The following TRAFD1 variants were observed in gnomAD, a reference collection of about 807,000 sequenced individuals.
TRAFD1 encodes the protein TRAF-type zinc finger domain-containing protein 1.
Under a neutral mutation model 65.3 loss-of-function variants are expected in TRAFD1, and 38 were observed. The ratio of observed to expected loss-of-function variants is 0.58; its 90% CI spans 0.45 to 0.76. The LOEUF is 0.76. Ranked by LOEUF, TRAFD1 falls within the 30% of genes least tolerant of loss-of-function variation. The pLI, the probability that TRAFD1 is intolerant of heterozygous loss-of-function variation, is 0.00. For missense variants in TRAFD1, 631 were observed against 712.6 expected, an observed-to-expected ratio of 0.89 and a Z score of 1.30; for synonymous variants, 223 against 257.2, an observed-to-expected ratio of 0.87 and a Z score of 1.27.
rs1364788959 is a variant in TRAFD1 at position 112,134,998 on chromosome 12, C to T, written c.184-15C>T. 1.2e-6 allele frequency: 2 copies of T among 1,614,184 alleles called. No individual in the cohort carries two copies. The highest frequency in any genetic ancestry group is 1.1e-5 in the South Asian group (1 of 91,046). ...GTCCCAAAGCCAATTTACTGATTCT[C>T]ACTTCTTACTCTAGGTGACCTGCAA... is the stretch of plus-strand genomic sequence containing the variant. On this transcript the variant is annotated splice_polypyrimidine_tract_variant and intron_variant, in intron 3 of 11. Coordinates refer to ENST00000412615, the MANE Select transcript of TRAFD1 (RefSeq NM_006700.3).
At position 112,142,187 on chromosome 12, in the gene TRAFD1, C is replaced by T. The variant is rs768408627; in HGVS notation, c.742C>T (p.Leu248=). 1.2e-6 allele frequency: 2 copies of T among 1,613,932 alleles called. No individual in the cohort carries two copies. The highest frequency in any genetic ancestry group is 1.7e-6 in the Non-Finnish European group (2 of 1,179,994). The stretch of plus-strand genomic sequence containing the variant: ...CTTGGACTTCATGTTGGCCCTAAGT[C>T]TGCAAAATGAAGGCCAAGCCTCCAG... ...ANLDFMLALS[L]QNEGQASSVA... is the part of the protein sequence containing the mutation. The change falls in exon 6 of 12, where the codon CTG becomes TTG. Residue 248 remains leucine (L), a synonymous_variant. Coordinates refer to ENST00000412615, the MANE Select transcript of TRAFD1 (RefSeq NM_006700.3).
rs1162541862 is a variant in TRAFD1, at chr12:112,140,871, T to C, written c.290T>C (p.Leu97Pro). 1 of 1,614,194 alleles carries C rather than the reference T, an allele frequency of 6.2e-7. No individual in the cohort carries two copies. Among genetic ancestry groups the C allele is most frequent in the Non-Finnish European group, 8.5e-7 (1 of 1,180,040 alleles). The part of the protein sequence containing the change: ...LAVCQHCDLE[L>P]SILKLKEHED... The stretch of plus-strand genomic sequence containing the variant: ...GTCTGCCAGCACTGTGATTTAGAAC[T>C]TTCCATTCTCAAACTGAAGGAACAT... Residue 97 changes from leucine (L) to proline (P), a missense_variant, in exon 5 of 12, where the codon CTT becomes CCT. Leu to Pro is a moderately conservative substitution (Grantham distance 98). Transcript: ENST00000412615.
At position 112,152,266 on chromosome 12, in the gene TRAFD1, A is replaced by G; in HGVS notation, c.1619+126A>G. The G allele has an allele frequency of 7.1e-7, 1 of 1,411,802 alleles. No individual in the cohort carries two copies. The highest frequency in any genetic ancestry group is 2.0e-5 in the Admixed American group (1 of 51,088). 87.5% of individuals were successfully genotyped at this position (1,411,802 alleles called of 1,614,324 possible). A position where few individuals can be genotyped will look rare whatever the true frequency, so the allele number is the denominator to read the frequency against. On this transcript the variant is annotated intron_variant, in intron 10 of 11. Transcript: ENST00000412615. The surrounding 1 kb of genome is among the most constrained non-coding windows in gnomAD (Gnocchi z 5.0). ...TTGCATGGTAAGGGGAGGAGTATGG[A>G]TTTTCCCTGTATTGTCACCTGACTC...
At chr12:112,143,545 G>C (rs1437176601) in intron 6 of TRAFD1, among the ~76,000 whole-genome samples, 1 of 151,610 alleles carries the variant, frequency 6.6e-6, no homozygotes, top group South Asian at 2.1e-4. Flanking sequence ...ATTTCTTATC[G>C]GTCTTCTAGT....
At chr12:112,138,307 T>G (rs7307299) in intron 4 of TRAFD1, among the ~76,000 whole-genome samples, 6,355 of 151,674 alleles carry the variant, frequency 0.042, 303 homozygotes, top group African/African-American at 0.11. Context: ...CCCAGCACTT[T>G]TGGAGGCAGA....
intron 6 of TRAFD1, among the ~76,000 whole-genome samples, chr12:112,144,786 G>GGTGGGAGGATCTCTTGAGC: frequency 6.6e-6 from 1 of 152,172 alleles, no homozygotes; most frequent in Admixed American, 6.5e-5. Flanking sequence ...GGTAGGCTGA[G>GGTGGGAGGATCTCTTGAGC]GTGGGAGGAT....
rs1455412820 is a variant in TRAFD1, at chr12:112,152,145, G to C, written c.1619+5G>C. 1 of 1,606,200 alleles carries C rather than the reference G, an allele frequency of 6.2e-7. No individual in the cohort carries two copies. The highest frequency in any genetic ancestry group is 2.2e-5 in the East Asian group (1 of 44,744). ...TTCAGGGAGATACGGAGCTAGGTAA[G>C]AATCAGTAGCCCAGGAATGGGGCTT... On this transcript the variant is annotated splice_donor_5th_base_variant and intron_variant, in intron 10 of 11. Transcript: ENST00000412615. This position sits in a 1 kb window ranked among gnomAD's most constrained non-coding sequence, Gnocchi z 5.0.
intron 2 of TRAFD1, 144 bp from the exon 3 acceptor site, chr12:112,134,594 T>G: frequency 4.6e-5 from 44 of 961,250 alleles, no homozygotes; most frequent in Non-Finnish European, 6.6e-5. Flanking sequence ...GTAATAGTCA[T>G]GAGTTTGTAG....
chr12:112,149,101 C>T (rs1403215163), intron 8 of TRAFD1, among the ~76,000 whole-genome samples: 1 of 151,876 alleles, frequency 6.6e-6, no homozygotes, highest in Non-Finnish European at 1.5e-5. Context: ...ACCTGTAATC[C>T]CAGCTACTCG....
chr12:112,145,285 C>T (rs1472195355), intron 6 of TRAFD1, among the ~76,000 whole-genome samples: 2 of 152,212 alleles, frequency 1.3e-5, no homozygotes, highest in African/African-American at 4.8e-5. Context: ...AAGATTATTG[C>T]CTATGGTTAT....
chr12:112,147,597 A>G (rs926789289), intron 7 of TRAFD1, among the ~76,000 whole-genome samples: 1 of 152,048 alleles, frequency 6.6e-6, no homozygotes, highest in African/African-American at 2.4e-5. Context: ...CCATAAAAAT[A>G]TTTAAAAGTA....
At chr12:112,149,671 C>T in intron 8 of TRAFD1, 80 bp from the exon 9 acceptor site, 1 of 1,573,604 alleles carries the variant, frequency 6.4e-7, no homozygotes, top group Non-Finnish European at 8.7e-7. Context: ...ATGAGGAATA[C>T]ACTGCTGTTC....
Position 112,152,533 on chromosome 12 carries a change from G to C in TRAFD1, c.1692+34G>C, listed in dbSNP as rs757326498. The stretch of plus-strand genomic sequence containing the variant: ...GGCTCCAGCCCATGATGCTCAGTGG[G>C]GGACTCAGACATGGTGGGGCTTGTG... On this transcript the variant is annotated intron_variant, in intron 11 of 11. Transcript: ENST00000412615. This position sits in a 1 kb window ranked among gnomAD's most constrained non-coding sequence, Gnocchi z 5.0. 6.2e-7 allele frequency: 1 copy of C among 1,613,026 alleles called. No individual in the cohort carries two copies. The highest frequency in any genetic ancestry group is 2.2e-5 in the East Asian group (1 of 44,840).
Position 112,151,853 on chromosome 12 carries a change from G to A in TRAFD1, c.1332G>A (p.Gly444=), listed in dbSNP as rs1455755483. 1.9e-6 allele frequency: 3 copies of A among 1,614,134 alleles called. No individual in the cohort carries two copies. The highest frequency in any genetic ancestry group is 1.6e-4 in the Middle Eastern group (1 of 6,062). ...ATACTAAGCAGGAAACAGCTAATGG[G>A]CCCACCTCCTGTCTGCCTCCCAGCC... is the stretch of plus-strand genomic sequence containing the variant. ...LDDTKQETAN[G]PTSCLPPSRP... is the part of the protein sequence containing the mutation. The change falls in exon 10 of 12, where the codon GGG becomes GGA. Residue 444 remains glycine (G), a synonymous_variant. Coordinates refer to ENST00000412615, the MANE Select transcript of TRAFD1 (RefSeq NM_006700.3).
Position 112,152,001 on chromosome 12 carries a change from A to C in TRAFD1, c.1480A>C (p.Ile494Leu). The C allele has an allele frequency of 1.2e-6, 2 of 1,614,234 alleles. No individual in the cohort carries two copies. The highest frequency in any genetic ancestry group is 1.7e-6 in the Non-Finnish European group (2 of 1,180,040). Reference sequence around the variant, plus strand: ...GCTCAGCAACTCAGACAGCCAGGACATCCAGGGGCGGAATCGAGACAGCCA... The same window carrying C: ...GCTCAGCAACTCAGACAGCCAGGACCTCCAGGGGCGGAATCGAGACAGCCA... Reference protein sequence around the residue: ...PKLSNSDSQDIQGRNRDSQNG... With the variant: ...PKLSNSDSQDLQGRNRDSQNG... Residue 494 changes from isoleucine to leucine, a missense_variant, in exon 10 of 12, where the codon ATC becomes CTC. By Grantham distance (5) the Ile-to-Leu change is conservative. Coordinates refer to ENST00000412615, the MANE Select transcript of TRAFD1 (RefSeq NM_006700.3). This position sits in a 1 kb window ranked among gnomAD's most constrained non-coding sequence, Gnocchi z 5.0.
intron 7 of TRAFD1, among the ~76,000 whole-genome samples, chr12:112,146,993 T>TC: frequency 8.5e-6 from 1 of 118,210 alleles, no homozygotes; most frequent in Non-Finnish European, 1.6e-5. Context: ...TTCTGTTTTT[T>TC]TTTTTTTTTT....
intron 6 of TRAFD1, among the ~76,000 whole-genome samples, chr12:112,142,762 A>G (rs2030128383): frequency 6.6e-6 from 1 of 152,218 alleles, no homozygotes; most frequent in South Asian, 2.1e-4. Context: ...TTGTTCTTCA[A>G]AGGCACATGA....
chr12:112,137,710 C>T lies in TRAFD1; in HGVS notation c.237+2644C>T, dbSNP rs1056386434. Among the ~76,000 whole-genome samples the T allele has an allele frequency of 1.3e-5, 2 of 152,018 alleles. No homozygotes were observed. Among genetic ancestry groups the T allele is most frequent in the African/African-American group, 2.4e-5 (1 of 41,366 alleles). On this transcript the variant is annotated intron_variant, in intron 4 of 11. Coordinates refer to ENST00000412615, the MANE Select transcript of TRAFD1 (RefSeq NM_006700.3). This position sits in a 1 kb window ranked among gnomAD's most constrained non-coding sequence, Gnocchi z 4.2. The stretch of plus-strand genomic sequence containing the variant: ...CCGGGAGGCGGAGCTTGCAGTAAGC[C>T]GAGGTTGCGCTACTGCACTTCAGTC...
At chr12:112,133,948 T>C (rs867619684) in intron 2 of TRAFD1, among the ~76,000 whole-genome samples, 1 of 151,450 alleles carries the variant, frequency 6.6e-6, no homozygotes, top group Non-Finnish European at 1.5e-5. Context: ...TCAAGTGATC[T>C]GCTTGCCTCA....
Sources: gnomAD v4.1 joint callset for allele counts (sites outside exome capture counted in the v4.1 genomes callset) on GRCh38, gnomAD v4.1.1 for gene constraint, Gnocchi (gnomAD v3.1) non-coding constraint, MANE v1.5 for transcripts, NCBI Gene and HGNC (gene_info 2026-07-23, HGNC 2026-07-21) for gene names.